TMEM70: variants seen among roughly 807,000 people sequenced by gnomAD.
TMEM70 encodes the protein transmembrane protein 70, also known as transmembrane protein 70, mitochondrial.
TMEM70 carries 15 observed loss-of-function variants against 20.5 expected under a neutral mutation model. That is an observed-to-expected ratio of 0.73 (90% CI 0.49 to 1.13). TMEM70 has a LOEUF of 1.13. Ranked by LOEUF, TMEM70 falls within the 50% of genes most tolerant of loss-of-function variation. The pLI, the probability that TMEM70 is intolerant of heterozygous loss-of-function variation, is 0.00. For synonymous variants in TMEM70, 141 were observed against 134.2 expected, an observed-to-expected ratio of 1.05 and a Z score of -0.35; for missense variants, 344 against 331.7, an observed-to-expected ratio of 1.04 and a Z score of -0.29.
At position 73,976,615 on chromosome 8, in the gene TMEM70, G is replaced by T. The variant is rs768779334; in HGVS notation, c.210+124G>T. ...TGTCCGTGGCTGGAGCGCGGGAGGA[G>T]CCCCCTCTGCGGGGCTTGCAGAAGT... On this transcript the variant is annotated intron_variant, in intron 1 of 2. Transcript: ENST00000312184. 3 of 1,019,328 alleles carry T rather than the reference G, an allele frequency of 2.9e-6. No individual in the cohort carries two copies. In the Middle Eastern group the frequency reaches 9.7e-4, roughly 328 times the overall value. The allele number at this position is 1,019,328 out of a possible 1,614,324, so 63.1% of individuals were successfully genotyped here.
Position 73,976,393 on chromosome 8 carries a change from C to A in TMEM70, c.112C>A (p.Arg38=). Reference sequence around the variant, plus strand: ...CCGAGGTCCCCGGGCCTCTGTCTCCCGGGCGTCCTCCAGCAGCGGGCCTTC... The same window carrying A: ...CCGAGGTCCCCGGGCCTCTGTCTCCAGGGCGTCCTCCAGCAGCGGGCCTTC... The part of the protein sequence containing the change: ...ALRGPRASVS[R]ASSSSGPSGP... The change falls in exon 1 of 3, where the codon CGG becomes AGG. Residue 38 remains arginine, a synonymous_variant. Coordinates refer to ENST00000312184, the MANE Select transcript of TMEM70 (RefSeq NM_017866.6). The A allele has an allele frequency of 6.3e-7, 1 of 1,591,284 alleles. No individual in the cohort carries two copies. Among genetic ancestry groups the A allele is most frequent in the African/African-American group, 1.3e-5 (1 of 74,808 alleles).
At chr8:73,980,602 A>C (rs1159872795) in intron 2 of TMEM70, among the ~76,000 whole-genome samples, 2 of 152,134 alleles carry the variant, frequency 1.3e-5, no homozygotes, top group Non-Finnish European at 2.9e-5. Context: ...TCCTAACCTC[A>C]AATGACCCAC....
At chr8:73,980,372 C>CTCTTT (rs1563699246) in intron 2 of TMEM70, among the ~76,000 whole-genome samples, 1 of 150,372 alleles carries the variant, frequency 6.7e-6, no homozygotes, top group Non-Finnish European at 1.5e-5. Context: ...CCATATGTTT[C>CTCTTT]TGTTTTTTTT....
rs1563701489 is a variant in TMEM70 at position 73,982,570 on chromosome 8, G to A, written c.*949G>A. On this transcript the variant is annotated 3_prime_UTR_variant, in exon 3 of 3. Transcript: ENST00000312184. ...TCACAAATTATGGGAGCAGTTTTAA[G>A]TCTTCTTTGGTTCAGAACACAGGTT... The A allele has an allele frequency of 2.0e-6, 1 of 496,836 alleles. No individual in the cohort carries two copies. The highest frequency in any genetic ancestry group is 1.9e-5 in the African/African-American group (1 of 51,848). The allele number at this position is 496,836 out of a possible 1,614,324, so 30.8% of individuals were successfully genotyped here. A position where few individuals can be genotyped will look rare whatever the true frequency, so the allele number is the denominator to read the frequency against.
intron 1 of TMEM70, among the ~76,000 whole-genome samples, chr8:73,976,806 A>C (rs1815662890): frequency 6.6e-6 from 1 of 152,204 alleles, no homozygotes; most frequent in African/African-American, 2.4e-5. Flanking sequence ...TTTGCAAAAA[A>C]TTGGATGCAG....
At chr8:73,978,297 G>A (rs1815703179) in intron 1 of TMEM70, among the ~76,000 whole-genome samples, 1 of 151,140 alleles carries the variant, frequency 6.6e-6, no homozygotes, top group Non-Finnish European at 1.5e-5. Context: ...ATGTTGGCCA[G>A]GCTGGTCTTG....
In TMEM70 at chr8:73,981,202, C is replaced by T. The variant is rs751120235; in HGVS notation, c.364C>T (p.Leu122=). Residue 122 remains leucine (L), a synonymous_variant, in exon 3 of 3, where the codon CTG becomes TTG. Transcript: ENST00000312184. Reference sequence around the variant, plus strand: ...TACGAGTCTGATTGGCCTTACATTTCTGCCATACATTTTTACACAAAATAA... The same window carrying T: ...TACGAGTCTGATTGGCCTTACATTTTTGCCATACATTTTTACACAAAATAA... ...YSTSLIGLTF[L]PYIFTQNNAI... The T allele has an allele frequency of 1.9e-5, 30 of 1,613,990 alleles. No individual in the cohort carries two copies. The highest frequency in any genetic ancestry group is 6.7e-5 in the Admixed American group (4 of 60,002).
At chr8:73,981,033 A>G (rs1815779299) in intron 2 of TMEM70, 122 bp from the exon 3 acceptor site, 1 of 806,902 alleles carries the variant, frequency 1.2e-6, no homozygotes, top group Non-Finnish European at 2.0e-6. Flanking sequence ...CACTGTATTT[A>G]TGGTTTGATT....
chr8:73,979,251 A>C, intron 2 of TMEM70: 1 of 281,378 alleles, frequency 3.6e-6, no homozygotes, highest in Non-Finnish European at 7.0e-6. Context: ...CTGGTCTTGA[A>C]CTCCTCACTT....
rs755076889 is a variant in TMEM70, at chr8:73,982,514, A to G, written c.*893A>G. On this transcript the variant is annotated 3_prime_UTR_variant, in exon 3 of 3. Coordinates refer to ENST00000312184, the MANE Select transcript of TMEM70 (RefSeq NM_017866.6). ...TAAATTGATTACCAGTTGTTAAAAAATTTTCAAAAAACCGCAAAATTTCAA... is the reference window on the plus strand; with the variant it reads ...TAAATTGATTACCAGTTGTTAAAAAGTTTTCAAAAAACCGCAAAATTTCAA... The G allele has an allele frequency of 4.9e-6, 3 of 606,972 alleles. No homozygotes were observed. Among genetic ancestry groups the G allele is most frequent in the South Asian group, 1.4e-5 (1 of 70,990 alleles). The allele number at this position is 606,972 out of a possible 1,614,324, so 37.6% of individuals were successfully genotyped here. A position where few individuals can be genotyped will look rare whatever the true frequency, so the allele number is the denominator to read the frequency against.
intron 1 of TMEM70, 124 bp downstream of exon 1, chr8:73,976,615 G>A (rs768779334): frequency 6.9e-6 from 7 of 1,019,326 alleles, no homozygotes; most frequent in Admixed American, 3.0e-5. Context: ...CGCGGGAGGA[G>A]CCCCCTCTGC....
intron 1 of TMEM70, among the ~76,000 whole-genome samples, chr8:73,978,189 C>T (rs1293577173): frequency 6.6e-6 from 1 of 151,798 alleles, no homozygotes; most frequent in Non-Finnish European, 1.5e-5. Context: ...CAGGTTCAAG[C>T]GATTCTTCTG....
chr8:73,981,686 T>G lies in TMEM70; in HGVS notation c.*65T>G. 1 of 1,152,716 alleles carries G rather than the reference T, an allele frequency of 8.7e-7. No individual in the cohort carries two copies. The highest frequency in any genetic ancestry group is 1.3e-6 in the Non-Finnish European group (1 of 784,022). The allele number at this position is 1,152,716 out of a possible 1,614,324, so 71.4% of individuals were successfully genotyped here. On this transcript the variant is annotated 3_prime_UTR_variant, in exon 3 of 3. Transcript: ENST00000312184. ...TTTAATGTATAATAATAAAATTGCC[T>G]TTTGCATTCCGTTAGTGACTGATTG...
rs143011318 is a variant in TMEM70, at chr8:73,982,115, T to C, written c.*494T>C. On this transcript the variant is annotated 3_prime_UTR_variant, in exon 3 of 3. Transcript: ENST00000312184. ...TGTCAGGAAGCTGGCTAGGAAGCCT[T>C]GCAGCAGCCATGGCTTTTAAACATA... The C allele has an allele frequency of 0.021, 10,324 of 493,908 alleles. 989 individuals carry two copies. Among genetic ancestry groups the C allele is most frequent in the Admixed American group, 0.18 (8,692 of 47,188 alleles). 30.6% of individuals were successfully genotyped at this position (493,908 alleles called of 1,614,324 possible).
At chr8:73,979,028 C>T in intron 2 of TMEM70, 167 bp downstream of exon 2, 2 of 841,880 alleles carry the variant, frequency 2.4e-6, no homozygotes, top group Non-Finnish European at 3.8e-6. Context: ...ATGTAGAGAC[C>T]TTTGCATTTT....
chr8:73,979,997 G>T (rs1462011242), intron 2 of TMEM70, among the ~76,000 whole-genome samples: 1 of 152,148 alleles, frequency 6.6e-6, no homozygotes, highest in Non-Finnish European at 1.5e-5. Flanking sequence ...GAGATTACAG[G>T]CATGAGCCAC....
chr8:73,980,933 T>C (rs78031522), intron 2 of TMEM70, among the ~76,000 whole-genome samples: 2,388 of 152,344 alleles, frequency 0.016, 209 homozygotes, highest in Admixed American at 0.13. Flanking sequence ...ATTTCCTGCC[T>C]GGAGAGGCAG....
intron 2 of TMEM70, chr8:73,979,225 C>T (rs1815729861): frequency 8.4e-6 from 3 of 358,596 alleles, no homozygotes; most frequent in South Asian, 4.3e-5. Context: ...GACAGGGTTT[C>T]ACCATGTTGG....
At position 73,981,230 on chromosome 8, in the gene TMEM70, C is replaced by G. The variant is rs150790446; in HGVS notation, c.392C>G (p.Ala131Gly). ...CCATACATTTTTACACAAAATAATGCTATTTCTGAAAGTGTGCCTCTGCCT... is the reference window on the plus strand; with the variant it reads ...CCATACATTTTTACACAAAATAATGGTATTTCTGAAAGTGTGCCTCTGCCT... ...FLPYIFTQNN[A>G]ISESVPLPIQ... The change falls in exon 3 of 3, where the codon GCT (alanine) becomes GGT (glycine). Residue 131 changes from alanine to glycine, a missense_variant. Physicochemically the swap from Ala to Gly is moderately conservative, Grantham distance 60 (BLOSUM62 0). Transcript: ENST00000312184. 5.6e-6 allele frequency: 9 copies of G among 1,614,096 alleles called. No individual in the cohort carries two copies. The East Asian group carries it at 2.0e-4, about 36-fold the overall frequency.
Sources: allele counts gnomAD v4.1 joint callset (sites outside exome capture counted in the v4.1 genomes callset), GRCh38; gene constraint gnomAD v4.1.1; transcripts MANE v1.5; gene names NCBI Gene and HGNC (gene_info 2026-07-23, HGNC 2026-07-21).